TLDC2: variants seen among roughly 807,000 people sequenced by gnomAD.
TLDC2 encodes the protein TBC/LysM-associated domain containing 2.
In TLDC2, 23 loss-of-function variants were observed where a neutral mutation model predicts 27.9. The ratio of observed to expected loss-of-function variants is 0.82; its 90% confidence interval spans 0.59 to 1.17. TLDC2 has a LOEUF of 1.17. Among genes scored for constraint, TLDC2 ranks in the 50% most tolerant of loss-of-function variants. TLDC2 has a pLI of 0.00. For missense variants in TLDC2, 286 were observed against 273.4 expected (o/e 1.05, Z -0.32); for synonymous variants, 124 against 107.4 (o/e 1.16, Z -0.96).
chr20:36,877,658 C>T (rs985076639), intron 1 of TLDC2, among the ~76,000 whole-genome samples: 5 of 152,100 alleles, frequency 3.3e-5, no homozygotes, highest in African/African-American at 7.2e-5. Context: ...GGGGTGCTGG[C>T]GGGGGTGGGG....
chr20:36,879,220 G>T, intron 3 of TLDC2, 27 bp downstream of exon 3: 1 of 1,597,976 alleles, frequency 6.3e-7, no homozygotes. Flanking sequence ...CACCACCCGA[G>T]GCTCTGGGGG....
rs1356834646 is a variant in TLDC2, at chr20:36,889,329, G to C, written c.591G>C (p.Val197=). 3 of 1,614,080 alleles carry C rather than the reference G, an allele frequency of 1.9e-6. No individual in the cohort carries two copies. The African/African-American group carries it at 4.0e-5, about 22-fold the overall frequency. ...SSPCPTFNNE[V]LARQEQFCIQ... is the part of the protein sequence containing the mutation. ...CTTGCCCGACCTTCAACAACGAGGT[G>C]CTGGCCCGGCAGGAGCAGTTCTGCA... Residue 197 remains valine, a synonymous_variant, in exon 6 of 7, where the codon GTG becomes GTC. Transcript: ENST00000217320.
intron 4 of TLDC2, 126 bp from the exon 5 acceptor site, chr20:36,887,329 C>T (rs1989942383): frequency 9.9e-6 from 8 of 812,126 alleles, no homozygotes; most frequent in South Asian, 4.4e-5. Flanking sequence ...GGAGTCCCAC[C>T]TGCGGCTCGG....
At chr20:36,878,345 C>T (rs1005664060) in intron 2 of TLDC2, among the ~76,000 whole-genome samples, 2 of 152,176 alleles carry the variant, frequency 1.3e-5, no homozygotes, top group Non-Finnish European at 2.9e-5. Context: ...CTTTGGGAGG[C>T]GAAGGCAGGG....
At chr20:36,878,443 T>C (rs1345420817) in intron 2 of TLDC2, among the ~76,000 whole-genome samples, 1 of 152,062 alleles carries the variant, frequency 6.6e-6, no homozygotes, top group East Asian at 1.9e-4. Context: ...TAGCCGGGTG[T>C]GGTGGTGTGC....
At chr20:36,884,610 T>G (rs1299467350) in intron 4 of TLDC2, among the ~76,000 whole-genome samples, 1 of 151,496 alleles carries the variant, frequency 6.6e-6, no homozygotes, top group East Asian at 2.0e-4. Context: ...AGCAAAAAAA[T>G]AGCTGGGTGT....
In TLDC2 at chr20:36,885,964, C is replaced by T. The variant is rs140552850; in HGVS notation, c.439-1491C>T. ...GATGAGAGGTGGGCCCTCTGAGGATCTAGGGGAAGAGCATTCTGGGCAGAG... is the reference window on the plus strand; with the variant it reads ...GATGAGAGGTGGGCCCTCTGAGGATTTAGGGGAAGAGCATTCTGGGCAGAG... On this transcript the variant is annotated intron_variant, in intron 4 of 6. Transcript: ENST00000217320. Among the ~76,000 whole-genome samples, 10 of 152,128 alleles carry T rather than the reference C, an allele frequency of 6.6e-5. No individual in the cohort carries two copies. In the East Asian group the frequency reaches 1.9e-3, roughly 29 times the overall value.
chr20:36,886,621 A>G (rs1038437226), intron 4 of TLDC2, among the ~76,000 whole-genome samples: 1 of 151,900 alleles, frequency 6.6e-6, no homozygotes, highest in Non-Finnish European at 1.5e-5. Flanking sequence ...TTTTTTTTAG[A>G]GATAGGGGAG....
At chr20:36,880,773 G>C (rs778462493) in intron 4 of TLDC2, 23 bp downstream of exon 4, 2 of 1,608,442 alleles carry the variant, frequency 1.2e-6, no homozygotes, top group Non-Finnish European at 1.7e-6. Context: ...ACCTTCCATG[G>C]GGGGAGTGGG....
intron 6 of TLDC2, chr20:36,891,763 C>T (rs1990080021): frequency 2.0e-5 from 3 of 152,604 alleles, no homozygotes; most frequent in African/African-American, 7.2e-5. Flanking sequence ...TCTAGGCTCA[C>T]TGCAACCTCC....
At position 36,889,289 on chromosome 20, in the gene TLDC2, G is replaced by A. The variant is rs371243226; in HGVS notation, c.551G>A (p.Arg184His). Residue 184 changes from arginine (R) to histidine (H), a missense_variant, in exon 6 of 7, where the codon CGC becomes CAC. Arg to His is a conservative substitution (Grantham distance 29). Coordinates refer to ENST00000217320, the MANE Select transcript of TLDC2 (RefSeq NM_080628.3). Reference protein sequence around the residue: ...FGLWLDGDLFRGGSSPCPTFN... With the variant: ...FGLWLDGDLFHGGSSPCPTFN... ...CTGTGGTTGGATGGAGACTTGTTCC[G>A]CGGGGGAAGCTCCCCTTGCCCGACC... The A allele has an allele frequency of 2.2e-5, 36 of 1,614,162 alleles. 1 individual carries two copies. Among genetic ancestry groups the A allele is most frequent in the African/African-American group, 9.3e-5 (7 of 75,062 alleles).
rs1601099871 is a variant in TLDC2 at position 36,884,942 on chromosome 20, A to T, written c.439-2513A>T. On this transcript the variant is annotated intron_variant, in intron 4 of 6. Transcript: ENST00000217320. ...TGCCCAGGCTGGAGTGCAGTGGGGC[A>T]ATCTCAGCTCACTGCAACCTCTGCC... Among the ~76,000 whole-genome samples the T allele has an allele frequency of 1.5e-5, 2 of 135,832 alleles. 1 individual carries two copies. 89.1% of individuals were successfully genotyped at this position (135,832 alleles called of 152,430 possible).
intron 6 of TLDC2, chr20:36,892,635 G>GA (rs932979050): frequency 3.5e-5 from 14 of 397,274 alleles, no homozygotes; most frequent in East Asian, 5.8e-5. Flanking sequence ...TCTTAAAAAA[G>GA]AAAAAAAATA....
intron 1 of TLDC2, among the ~76,000 whole-genome samples, 158 bp from the exon 2 acceptor site, chr20:36,877,741 T>A (rs538109886): frequency 6.2e-4 from 94 of 152,288 alleles, no homozygotes; most frequent in Non-Finnish European, 2.2e-4. Context: ...GCGTCCTGTC[T>A]GTCGTGGAAA....
At chr20:36,878,575 T>C (rs1989727973) in intron 2 of TLDC2, among the ~76,000 whole-genome samples, 1 of 152,046 alleles carries the variant, frequency 6.6e-6, no homozygotes, top group Non-Finnish European at 1.5e-5. Context: ...AGTGAGACTC[T>C]GTCTCAAAAG....
At position 36,893,664 on chromosome 20, in the gene TLDC2, T is replaced by TCTA; in HGVS notation, c.*821_*823dup. The TCTA allele has an allele frequency of 2.6e-6, 1 of 387,694 alleles. No homozygotes were observed. The highest frequency in any genetic ancestry group is 6.6e-4 in the Middle Eastern group (1 of 1,506). 24.0% of individuals were successfully genotyped at this position (387,694 alleles called of 1,614,324 possible). A position where few individuals can be genotyped will look rare whatever the true frequency, so the allele number is the denominator to read the frequency against. ...GAAGCAAGGCCTCCTAATACTTGACTCTATGCTAAACTGTTCTGAACTTGT... is the reference window on the plus strand; with the variant it reads ...GAAGCAAGGCCTCCTAATACTTGACTCTACTATGCTAAACTGTTCTGAACTTGT... On this transcript the variant is annotated 3_prime_UTR_variant, in exon 7 of 7. Transcript: ENST00000217320.
chr20:36,878,687 G>A (rs1989730548), intron 2 of TLDC2, among the ~76,000 whole-genome samples: 1 of 151,964 alleles, frequency 6.6e-6, no homozygotes, highest in Non-Finnish European at 1.5e-5. Context: ...CAGGAGGAGG[G>A]TTCAGCATCT....
In TLDC2 at chr20:36,886,385, A is replaced by G. The variant is rs547757628; in HGVS notation, c.439-1070A>G. On this transcript the variant is annotated intron_variant, in intron 4 of 6. Transcript: ENST00000217320. ...CCAAGGCAGGCGGATCACGAGGTCA[A>G]TAGATTGAGACCAGCCTGGGCAACA... Among the ~76,000 whole-genome samples, 29 of 152,240 alleles carry G rather than the reference A, an allele frequency of 1.9e-4. 1 individual carries two copies. In the South Asian group the frequency reaches 5.0e-3, roughly 26 times the overall value.
chr20:36,893,412 T>C lies in TLDC2; in HGVS notation c.*568T>C, dbSNP rs1990128756. The C allele has an allele frequency of 1.1e-5, 4 of 377,582 alleles. No homozygotes were observed. In the Admixed American group the frequency reaches 1.7e-4, roughly 16 times the overall value. The allele number at this position is 377,582 out of a possible 1,614,324, so 23.4% of individuals were successfully genotyped here. ...AGAAAGACGGGATGCACTGAACCCC[T>C]AGCTTCTCTCTCGCCTGGTCCCCTC... On this transcript the variant is annotated 3_prime_UTR_variant, in exon 7 of 7. Transcript: ENST00000217320.
Sources: allele counts gnomAD v4.1 joint callset (sites outside exome capture counted in the v4.1 genomes callset), GRCh38; gene constraint gnomAD v4.1.1; transcripts MANE v1.5; gene names NCBI Gene and HGNC (gene_info 2026-07-23, HGNC 2026-07-21).